The following FAM200B variants were observed in gnomAD, a reference collection of about 807,000 sequenced individuals.
FAM200B encodes the protein protein FAM200B.
A neutral mutation model predicts 33.1 loss-of-function variants in FAM200B; 32 were observed. The observed-to-expected ratio is 0.97, with a 90% CI of 0.73 to 1.30. The LOEUF is 1.30. Ranked by LOEUF, FAM200B falls within the 50% of genes most tolerant of loss-of-function variation. FAM200B has a pLI of 0.00. For missense variants in FAM200B, 741 were observed against 754.0 expected (o/e 0.98, Z 0.20); for synonymous variants, 240 against 264.8 (o/e 0.91, Z 0.91).
At chr4:15,665,132 G>A in the FAM200B span, among the ~76,000 whole-genome samples, 1 of 152,002 alleles carries the variant, frequency 6.6e-6, no homozygotes, top group Non-Finnish European at 1.5e-5. Context: ...ATTCTTCCTC[G>A]AAACCTCTAT....
At chr4:15,651,729 TC>T in the FAM200B span, among the ~76,000 whole-genome samples, 2 of 152,184 alleles carry the variant, frequency 1.3e-5, no homozygotes, top group Non-Finnish European at 2.9e-5. Flanking sequence ...ATAAATAAAT[TC>T]TTTCATAAAA....
chr4:15,649,757 T>C, the FAM200B span, among the ~76,000 whole-genome samples: 3 of 152,234 alleles, frequency 2.0e-5, no homozygotes, highest in South Asian at 4.1e-4. Context: ...AAGCCAATGA[T>C]GTGTGAGAAA....
chr4:15,650,926 AACCTATAACTG>A, the FAM200B span, among the ~76,000 whole-genome samples: 4 of 152,032 alleles, frequency 2.6e-5, no homozygotes, highest in African/African-American at 9.7e-5. Context: ...CACTGCACCC[AACCTATAACTG>A]ACTTTCTGTC....
chr4:15,682,178 A>G (rs1414460627), intron 1 of FAM200B, among the ~76,000 whole-genome samples: 1 of 152,194 alleles, frequency 6.6e-6, no homozygotes, highest in Non-Finnish European at 1.5e-5. Flanking sequence ...ATCTAGCTAA[A>G]GCTGGTACCT....
chr4:15,660,839 G>T, the FAM200B span, among the ~76,000 whole-genome samples: 1 of 152,264 alleles, frequency 6.6e-6, no homozygotes, highest in South Asian at 2.1e-4. Flanking sequence ...AACACTGGGA[G>T]GCCGAGGTGG....
the FAM200B span, chr4:15,641,701 TC>T: frequency 4.6e-6 from 2 of 433,088 alleles, no homozygotes; most frequent in Non-Finnish European, 9.1e-6. Flanking sequence ...GCAACCCTAA[TC>T]CCCATGTTGT....
the FAM200B span, among the ~76,000 whole-genome samples, chr4:15,650,588 TA>T: frequency 5.4e-4 from 81 of 150,760 alleles, 1 homozygote. Flanking sequence ...CTTATATATA[TA>T]AAAGGACGCA....
At chr4:15,642,066 A>G in the FAM200B span, among the ~76,000 whole-genome samples, 8 of 151,864 alleles carry the variant, frequency 5.3e-5, no homozygotes, top group African/African-American at 7.3e-5. Context: ...GTAAGGTCAT[A>G]TATATCAATA....
chr4:15,646,089 T>C, the FAM200B span, among the ~76,000 whole-genome samples: 1 of 152,192 alleles, frequency 6.6e-6, no homozygotes, highest in African/African-American at 2.4e-5. Flanking sequence ...GTAATAAATA[T>C]TTTAACTTTT....
Position 15,688,398 on chromosome 4 carries a change from T to C in FAM200B, c.1421T>C (p.Leu474Pro), listed in dbSNP as rs544113571. 6.8e-5 allele frequency: 106 copies of C among 1,549,046 alleles called. No homozygotes were observed. The highest frequency in any genetic ancestry group is 5.5e-5 in the Non-Finnish European group (63 of 1,145,020). The change falls in exon 2 of 2, where the codon CTT (leucine) becomes CCT (proline). Residue 474 changes from leucine (L) to proline (P), a missense_variant. Coordinates refer to ENST00000422728, the MANE Select transcript of FAM200B (RefSeq NM_001145191.2). The part of the protein sequence containing the change: ...RKTLLLWQVR[L>P]KSNRPSYYMF... ...ACATTATTGTTATGGCAAGTAAGAC[T>C]TAAAAGTAATCGTCCTAGCTATTAC...
the FAM200B span, chr4:15,641,485 C>T: frequency 5.1e-5 from 18 of 350,900 alleles, no homozygotes; most frequent in South Asian, 1.8e-4. Context: ...TTTTTTCTTC[C>T]GTATGATGTT....
In FAM200B at chr4:15,690,435, T is replaced by C. The variant is rs6815254; in HGVS notation, c.*1484T>C. 42,737 of 162,482 alleles carry C rather than the reference T, an allele frequency of 0.26. 5,860 individuals are homozygous for C. Among genetic ancestry groups the C allele is most frequent in the African/African-American group, 0.3 (12,218 of 41,376 alleles). 10.1% of individuals were successfully genotyped at this position (162,482 alleles called of 1,614,324 possible). ...TTTTTTTTTAATGCTTGAAATAAAG[T>C]GTTGAAAAACAATTCCCTGTGAATA... On this transcript the variant is annotated 3_prime_UTR_variant, in exon 2 of 2. Transcript: ENST00000422728.
the FAM200B span, among the ~76,000 whole-genome samples, chr4:15,675,967 T>C: frequency 1.3e-5 from 2 of 152,154 alleles, no homozygotes; most frequent in African/African-American, 4.8e-5. Context: ...ATATCAAAGA[T>C]TTATGAGACA....
chr4:15,653,242 C>T, the FAM200B span, among the ~76,000 whole-genome samples: 2 of 152,078 alleles, frequency 1.3e-5, no homozygotes, highest in African/African-American at 4.8e-5. Flanking sequence ...TACACCATGT[C>T]AAATTGAAAA....
the FAM200B span, among the ~76,000 whole-genome samples, chr4:15,658,874 T>A: frequency 2.6e-5 from 4 of 152,152 alleles, no homozygotes; most frequent in African/African-American, 9.7e-5. Context: ...CATCTGGGAC[T>A]CCAGAGACTT....
At chr4:15,662,852 T>G in the FAM200B span, among the ~76,000 whole-genome samples, 3 of 152,292 alleles carry the variant, frequency 2.0e-5, no homozygotes, top group East Asian at 5.8e-4. Flanking sequence ...TGGCTAAACA[T>G]TATTCCCAGA....
the FAM200B span, among the ~76,000 whole-genome samples, chr4:15,649,578 CAAAAAAAA>C: frequency 7.3e-4 from 59 of 81,354 alleles, no homozygotes; most frequent in Admixed American, 2.4e-3. Context: ...GACTACGTCT[CAAAAAAAA>C]AAAAAAAAAA....
At chr4:15,674,680 C>T in the FAM200B span, among the ~76,000 whole-genome samples, 6 of 149,822 alleles carry the variant, frequency 4.0e-5, no homozygotes, top group Non-Finnish European at 7.4e-5. Context: ...GACAGAGTCT[C>T]ACTCTGTCGC....
chr4:15,684,389 T>A lies in FAM200B; in HGVS notation c.-742-1847T>A, dbSNP rs565446458. ...CTCATTAAAGCCGCTTTCGGAGATA[T>A]AAGTAAAGAAAGTCAAACAAAAGAC... On this transcript the variant is annotated intron_variant, in intron 1 of 1. Transcript: ENST00000422728. Among the ~76,000 whole-genome samples the A allele has an allele frequency of 2.0e-5, 3 of 152,354 alleles. No homozygotes were observed. In the East Asian group the frequency reaches 5.8e-4, roughly 29 times the overall value.
Sources: allele counts gnomAD v4.1 joint callset (sites outside exome capture counted in the v4.1 genomes callset), GRCh38; gene constraint gnomAD v4.1.1; transcripts MANE v1.5; gene names NCBI Gene and HGNC (gene_info 2026-07-23, HGNC 2026-07-21).